PRKN: variants seen among roughly 807,000 people sequenced by gnomAD.
PRKN encodes the protein parkin RBR E3 ubiquitin protein ligase, also known as E3 ubiquitin-protein ligase parkin.
Under a neutral mutation model 59.5 loss-of-function variants are expected in PRKN, and 56 were observed. That is an observed-to-expected ratio of 0.94 (90% CI 0.76 to 1.18). The LOEUF is 1.18. PRKN is among the 50% of genes most tolerant of loss of function. The pLI is 0.00. For missense variants in PRKN, 657 were observed against 596.4 expected (o/e 1.10, Z -1.06); for synonymous variants, 250 against 222.1 (o/e 1.13, Z -1.12).
rs549989048 is a variant in PRKN at position 162,228,996 on chromosome 6, G to A, written c.413-27744C>T. Reference sequence around the variant, plus strand: ...TCTAAATGATGGAAGGTACCACAGCGCAATCTATGGGACCACTTCTGTTTT... The same window carrying A: ...TCTAAATGATGGAAGGTACCACAGCACAATCTATGGGACCACTTCTGTTTT... On this transcript the variant is annotated intron_variant, in intron 3 of 11. Transcript: ENST00000366898. Among the ~76,000 whole-genome samples the A allele has an allele frequency of 5.3e-5, 8 of 152,276 alleles. No individual in the cohort carries two copies. In the South Asian group the frequency reaches 1.0e-3, roughly 20 times the overall value.
chr6:162,683,577 T>A (rs573548741), intron 1 of PRKN, among the ~76,000 whole-genome samples: 1 of 152,254 alleles, frequency 6.6e-6, no homozygotes, highest in Admixed American at 6.5e-5. Flanking sequence ...AGGTTTTTGG[T>A]TAGTTTCCTG....
intron 7 of PRKN, among the ~76,000 whole-genome samples, chr6:161,768,070 T>A (rs1024162241): frequency 1.6e-5 from 2 of 123,710 alleles, no homozygotes; most frequent in Non-Finnish European, 3.6e-5. Flanking sequence ...AAATCTAGTC[T>A]AATTAAGTTT....
intron 6 of PRKN, among the ~76,000 whole-genome samples, chr6:161,897,244 T>C (rs1027541411): frequency 1.3e-5 from 2 of 152,182 alleles, no homozygotes; most frequent in African/African-American, 4.8e-5. Flanking sequence ...CCTGAATCTG[T>C]TTTTTAATTT....
Position 161,581,918 on chromosome 6 carries a change from C to G in PRKN, c.872-12502G>C, listed in dbSNP as rs954368942. 2.0e-5 allele frequency among the ~76,000 whole-genome samples: 3 copies of G among 152,200 alleles called. No homozygotes were observed. The highest frequency in any genetic ancestry group is 7.2e-5 in the African/African-American group (3 of 41,440). ...GGACACACATTAATGAAACAGTCCA[C>G]TCTTCACAGTGCTTAGGGCGTCCTT... On this transcript the variant is annotated intron_variant, in intron 7 of 11. Coordinates refer to ENST00000366898, the MANE Select transcript of PRKN (RefSeq NM_004562.3). The surrounding 1 kb of genome is among the most constrained non-coding windows in gnomAD (Gnocchi z 4.5).
intron 5 of PRKN, among the ~76,000 whole-genome samples, chr6:162,042,766 A>C (rs1409749452): frequency 6.6e-6 from 1 of 152,206 alleles, no homozygotes; most frequent in Non-Finnish European, 1.5e-5. Flanking sequence ...AGGTAATATG[A>C]GTTTTAATTG....
intron 1 of PRKN, among the ~76,000 whole-genome samples, chr6:162,704,814 T>C (rs899781516): frequency 3.2e-4 from 48 of 152,268 alleles, no homozygotes; most frequent in African/African-American, 1.1e-3. Context: ...CCGAGGATGG[T>C]CACATCTGAA....
intron 6 of PRKN, among the ~76,000 whole-genome samples, chr6:161,793,643 G>C (rs530602292): frequency 6.6e-6 from 1 of 151,910 alleles, no homozygotes; most frequent in South Asian, 2.1e-4. Flanking sequence ...TTCATAGTGT[G>C]GTAAGCACTA....
chr6:161,691,028 T>C, intron 7 of PRKN, among the ~76,000 whole-genome samples: 1 of 141,874 alleles, frequency 7.0e-6, no homozygotes. Context: ...CATCCATCCG[T>C]CCTCCTTTCC....
chr6:162,232,919 CTT>C (rs1469208827), intron 3 of PRKN, among the ~76,000 whole-genome samples: 1 of 147,080 alleles, frequency 6.8e-6, no homozygotes. Flanking sequence ...ATATTTAAAA[CTT>C]ATGTTTGGGT....
Position 161,399,232 on chromosome 6 carries a change from C to A in PRKN, c.1084-12355G>T, listed in dbSNP as rs1276962333. Among the ~76,000 whole-genome samples, 2 of 152,136 alleles carry A rather than the reference C, an allele frequency of 1.3e-5. No homozygotes were observed. Among genetic ancestry groups the A allele is most frequent in the African/African-American group, 2.4e-5 (1 of 41,410 alleles). On this transcript the variant is annotated intron_variant, in intron 9 of 11. Coordinates refer to ENST00000366898, the MANE Select transcript of PRKN (RefSeq NM_004562.3). This position sits in a 1 kb window ranked among gnomAD's most constrained non-coding sequence, Gnocchi z 4.4. ...GAGCCACATCCACCACTCAATAAAACCCTGCAGTCACCATCCTTCAAGTCC... is the reference window on the plus strand; with the variant it reads ...GAGCCACATCCACCACTCAATAAAAACCTGCAGTCACCATCCTTCAAGTCC...
At chr6:162,601,019 G>A (rs1781687086) in intron 1 of PRKN, among the ~76,000 whole-genome samples, 1 of 152,156 alleles carries the variant, frequency 6.6e-6, no homozygotes, top group Non-Finnish European at 1.5e-5. Context: ...CAATACCGCA[G>A]ACTGGGTAAA....
intron 1 of PRKN, among the ~76,000 whole-genome samples, chr6:162,585,952 G>C (rs778042087): frequency 1.3e-5 from 2 of 152,008 alleles, no homozygotes; most frequent in Non-Finnish European, 2.9e-5. Context: ...TGATCCACCC[G>C]CCTCGGCCTC....
intron 4 of PRKN, among the ~76,000 whole-genome samples, chr6:162,078,580 A>G (rs1434873534): frequency 2.0e-5 from 3 of 152,094 alleles, no homozygotes; most frequent in Non-Finnish European, 2.9e-5. Flanking sequence ...ATTAGAACTT[A>G]GTGTCAAACA....
intron 6 of PRKN, among the ~76,000 whole-genome samples, chr6:161,929,517 CTTTTTT>C (rs759945931): frequency 3.0e-4 from 22 of 72,258 alleles, no homozygotes; most frequent in African/African-American, 1.0e-3. Context: ...AATTTCACCT[CTTTTTT>C]TTTTTTTTTT....
At chr6:161,496,344 G>A (rs570462973) in intron 9 of PRKN, among the ~76,000 whole-genome samples, 30 of 152,332 alleles carry the variant, frequency 2.0e-4, no homozygotes, top group African/African-American at 7.2e-4. Flanking sequence ...CATTGTGGAT[G>A]TAATTAGTCA....
intron 6 of PRKN, among the ~76,000 whole-genome samples, chr6:161,876,328 T>C (rs185406764): frequency 6.6e-6 from 1 of 152,292 alleles, no homozygotes; most frequent in East Asian, 1.9e-4. Flanking sequence ...TTTTCTGTTT[T>C]TGACACAGAG....
intron 2 of PRKN, among the ~76,000 whole-genome samples, chr6:162,307,913 T>G (rs147960509): frequency 6.6e-6 from 1 of 152,364 alleles, no homozygotes; most frequent in Admixed American, 6.5e-5. Flanking sequence ...ACAAGAATGA[T>G]GACCCTAACA....
Position 162,364,151 on chromosome 6 carries a change from C to T in PRKN, c.171+79159G>A, listed in dbSNP as rs372343622. 3.4e-4 allele frequency among the ~76,000 whole-genome samples: 52 copies of T among 151,694 alleles called. 1 individual carries two copies. Among genetic ancestry groups the T allele is most frequent in the Admixed American group, 1.8e-3 (27 of 15,210 alleles). On this transcript the variant is annotated intron_variant, in intron 2 of 11. Transcript: ENST00000366898. ...AAGAGGGGTAAAATCAAACCCCAGACTTGATAATACCATCTACACAGACAT... is the reference window on the plus strand; with the variant it reads ...AAGAGGGGTAAAATCAAACCCCAGATTTGATAATACCATCTACACAGACAT...
At chr6:162,162,540 A>G (rs969843078) in intron 4 of PRKN, among the ~76,000 whole-genome samples, 1 of 152,222 alleles carries the variant, frequency 6.6e-6, no homozygotes, top group Admixed American at 6.5e-5. Context: ...ACTGTAACCA[A>G]GAAACTTTGA....
Sources: allele counts gnomAD v4.1 joint callset (sites outside exome capture counted in the v4.1 genomes callset), GRCh38; gene constraint gnomAD v4.1.1; non-coding constraint Gnocchi (gnomAD v3.1); transcripts MANE v1.5; gene names NCBI Gene and HGNC (gene_info 2026-07-23, HGNC 2026-07-21).